Variants in PLCL2 observed in about 807,000 individuals in gnomAD.
The protein encoded by PLCL2 is phospholipase C like 2.
A neutral mutation model predicts 79.6 loss-of-function variants in PLCL2; 4 were observed. The observed-to-expected ratio is 0.05, with a 90% CI of 0.02 to 0.11. The LOEUF is 0.11. Among genes scored for constraint, PLCL2 ranks in the 10% least tolerant of loss-of-function variants. The pLI is 1.00. For missense variants in PLCL2, 895 were observed against 1,291.0 expected, an observed-to-expected ratio of 0.69 and a Z score of 4.70; for synonymous variants, 484 against 457.7, an observed-to-expected ratio of 1.06 and a Z score of -0.73.
intron 1 of PLCL2, among the ~76,000 whole-genome samples, chr3:16,932,819 A>C (rs528238890): frequency 6.6e-6 from 1 of 152,330 alleles, no homozygotes; most frequent in South Asian, 2.1e-4. Context: ...ATTAAGAAGA[A>C]ACAGCCTCAC....
At chr3:17,050,026 C>T (rs2064823257) in intron 4 of PLCL2, among the ~76,000 whole-genome samples, 2 of 152,106 alleles carry the variant, frequency 1.3e-5, no homozygotes, top group South Asian at 4.1e-4. Context: ...AGAAAGAAAT[C>T]CACACACCTA....
At chr3:16,942,576 G>A (rs1213120620) in intron 1 of PLCL2, among the ~76,000 whole-genome samples, 2 of 152,164 alleles carry the variant, frequency 1.3e-5, no homozygotes, top group East Asian at 3.9e-4. Flanking sequence ...TTCTGTCCTA[G>A]CAGGGAGCCA....
intron 1 of PLCL2, among the ~76,000 whole-genome samples, chr3:16,930,002 G>A (rs576008973): frequency 3.3e-5 from 5 of 152,248 alleles, no homozygotes; most frequent in African/African-American, 9.6e-5. Flanking sequence ...GAGAAGTATC[G>A]TGGGAGGTGA....
At chr3:16,962,404 A>G (rs1207618041) in intron 1 of PLCL2, among the ~76,000 whole-genome samples, 1 of 147,306 alleles carries the variant, frequency 6.8e-6, no homozygotes, top group African/African-American at 2.5e-5. Flanking sequence ...TGCAATCAGG[A>G]GCCTCATCCA....
intron 1 of PLCL2, among the ~76,000 whole-genome samples, chr3:16,954,957 G>T (rs1364913332): frequency 2.6e-5 from 4 of 152,086 alleles, no homozygotes; most frequent in South Asian, 2.1e-4. Context: ...TTGTAAAAAT[G>T]TTCTCCCATT....
chr3:16,986,943 G>C (rs1165941420), intron 1 of PLCL2, among the ~76,000 whole-genome samples: 3 of 151,758 alleles, frequency 2.0e-5, no homozygotes, highest in Non-Finnish European at 2.9e-5. Context: ...CTATCTCTTT[G>C]CTTTATAAAT....
At chr3:16,962,301 G>A (rs889058030) in intron 1 of PLCL2, among the ~76,000 whole-genome samples, 1 of 152,052 alleles carries the variant, frequency 6.6e-6, no homozygotes, top group Non-Finnish European at 1.5e-5. Flanking sequence ...ATAACTTCTG[G>A]TCAGTACAAG....
At chr3:16,989,900 A>C (rs1227025947) in intron 1 of PLCL2, among the ~76,000 whole-genome samples, 1 of 152,152 alleles carries the variant, frequency 6.6e-6, no homozygotes, top group Non-Finnish European at 1.5e-5. Context: ...GCTGAAACCA[A>C]GGTTTGTAGG....
intron 1 of PLCL2, among the ~76,000 whole-genome samples, chr3:16,987,891 G>A (rs1559509281): frequency 6.6e-6 from 1 of 152,132 alleles, no homozygotes; most frequent in Non-Finnish European, 1.5e-5. Flanking sequence ...TAAAGTAAAT[G>A]TAATAATTTA....
At chr3:17,064,391 T>C (rs528724872) in intron 4 of PLCL2, among the ~76,000 whole-genome samples, 27 of 152,320 alleles carry the variant, frequency 1.8e-4, no homozygotes, top group African/African-American at 6.5e-4. Flanking sequence ...AGAATAATTA[T>C]TTTACACATA....
chr3:16,900,696 GCT>G (rs2124920376), intron 1 of PLCL2, among the ~76,000 whole-genome samples: 3 of 152,252 alleles, frequency 2.0e-5, no homozygotes, highest in African/African-American at 7.2e-5. Flanking sequence ...AGCTTAGTGG[GCT>G]CTCACAATGC....
intron 1 of PLCL2, among the ~76,000 whole-genome samples, chr3:16,943,150 A>G (rs1271726720): frequency 6.6e-6 from 1 of 152,226 alleles, no homozygotes; most frequent in Non-Finnish European, 1.5e-5. Context: ...ACACGTTGAC[A>G]TAAATGACAG....
chr3:16,927,133 A>G (rs545650554), intron 1 of PLCL2, among the ~76,000 whole-genome samples: 1 of 152,350 alleles, frequency 6.6e-6, no homozygotes. Context: ...GTTAAACAAA[A>G]TCGTCATCCC....
At chr3:16,944,731 TA>T (rs2063584310) in intron 1 of PLCL2, among the ~76,000 whole-genome samples, 2 of 151,734 alleles carry the variant, frequency 1.3e-5, no homozygotes, top group African/African-American at 4.8e-5. Context: ...TTGAGGACTT[TA>T]GTTAATAAAA....
chr3:17,067,308 A>C (rs2124942896), intron 4 of PLCL2, among the ~76,000 whole-genome samples: 1 of 152,360 alleles, frequency 6.6e-6, no homozygotes, highest in Admixed American at 6.5e-5. Flanking sequence ...AAAAAGCATA[A>C]AATTTTTAAA....
chr3:17,090,002 T>C lies in PLCL2; in HGVS notation c.*90T>C. ...TTTGCTTTGCACTCACTAATGAGAATAATATTCGGGATTTTAAAGCACAAC... is the reference window on the plus strand; with the variant it reads ...TTTGCTTTGCACTCACTAATGAGAACAATATTCGGGATTTTAAAGCACAAC... On this transcript the variant is annotated 3_prime_UTR_variant, in exon 6 of 6. Coordinates refer to ENST00000615277, the MANE Select transcript of PLCL2 (RefSeq NM_001144382.2). 1 of 1,447,632 alleles carries C rather than the reference T, an allele frequency of 6.9e-7. No homozygotes were observed. The highest frequency in any genetic ancestry group is 1.4e-5 in the African/African-American group (1 of 70,380). The allele number at this position is 1,447,632 out of a possible 1,614,324, so 89.7% of individuals were successfully genotyped here.
intron 1 of PLCL2, among the ~76,000 whole-genome samples, chr3:16,950,012 A>G (rs1002422026): frequency 6.6e-6 from 1 of 152,172 alleles, no homozygotes; most frequent in African/African-American, 2.4e-5. Flanking sequence ...CTGGTCATCT[A>G]TTCCTGTACC....
In PLCL2 at chr3:17,010,785, A is replaced by G. The variant is rs2064312792; in HGVS notation, c.1439A>G (p.Asn480Ser). ...TTAGATGTATGGGATGGGCCGGACA[A>G]TGAACCTGTAATTTACACAGGCCAC... ...VELDVWDGPD[N>S]EPVIYTGHTM... The change falls in exon 2 of 6, where the codon AAT becomes AGT. Residue 480 changes from asparagine to serine, a missense_variant. Around this residue, in one of 6 missense-constraint regions of PLCL2, gnomAD observed 242 missense variants for 399.5 expected, o/e 0.61. Transcript: ENST00000615277. The surrounding 1 kb of genome is among the most constrained non-coding windows in gnomAD (Gnocchi z 5.8). The G allele has an allele frequency of 1.2e-6, 2 of 1,614,198 alleles. No individual in the cohort carries two copies. The highest frequency in any genetic ancestry group is 1.7e-6 in the Non-Finnish European group (2 of 1,180,026).
intron 5 of PLCL2, among the ~76,000 whole-genome samples, chr3:17,089,454 C>T (rs1163692287): frequency 6.6e-6 from 1 of 151,792 alleles, no homozygotes; most frequent in Non-Finnish European, 1.5e-5. Context: ...TAATTTTAAC[C>T]AGGATAGACA....
Sources: allele counts gnomAD v4.1 joint callset (sites outside exome capture counted in the v4.1 genomes callset), GRCh38; gene constraint gnomAD v4.1.1; regional missense constraint gnomAD v4.1.1; non-coding constraint Gnocchi (gnomAD v3.1); transcripts MANE v1.5; gene names NCBI Gene and HGNC (gene_info 2026-07-23, HGNC 2026-07-21).